ANGPT2: variants seen among roughly 807,000 people sequenced by gnomAD.
The protein encoded by ANGPT2 is angiopoietin 2, also known as angiopoietin-2.
Under a neutral mutation model 62.9 loss-of-function variants are expected in ANGPT2, and 28 were observed. The ratio of observed to expected loss-of-function variants is 0.44; its 90% confidence interval spans 0.33 to 0.61. ANGPT2 has a LOEUF of 0.61. ANGPT2 is among the 20% of genes least tolerant of loss of function. The pLI is 0.03. For missense variants in ANGPT2, 727 were observed against 594.9 expected, an observed-to-expected ratio of 1.22 and a Z score of -2.31; for synonymous variants, 284 against 207.8, an observed-to-expected ratio of 1.37 and a Z score of -3.15.
chr8:6,535,802 C>A (rs1163726046), intron 1 of ANGPT2, among the ~76,000 whole-genome samples: 1 of 151,858 alleles, frequency 6.6e-6, no homozygotes, highest in Non-Finnish European at 1.5e-5. Context: ...AATCCCAGCA[C>A]TTTGGGAGGC....
chr8:6,553,339 T>C (rs1245947396), intron 1 of ANGPT2, among the ~76,000 whole-genome samples: 1 of 152,188 alleles, frequency 6.6e-6, no homozygotes, highest in African/African-American at 2.4e-5. Flanking sequence ...CAAAATGTTA[T>C]TGTGTACTTT....
intron 1 of ANGPT2, among the ~76,000 whole-genome samples, chr8:6,547,583 C>T (rs1041801190): frequency 2.6e-5 from 4 of 152,200 alleles, no homozygotes; most frequent in Non-Finnish European, 5.9e-5. Flanking sequence ...CTTTGGACCA[C>T]CGTAGAATGG....
At chr8:6,554,372 C>CTGAA (rs1294772412) in intron 1 of ANGPT2, among the ~76,000 whole-genome samples, 5 of 151,822 alleles carry the variant, frequency 3.3e-5, no homozygotes, top group Non-Finnish European at 7.4e-5. Flanking sequence ...GTTCTCGCCC[C>CTGAA]CAAAAGCCAA....
At chr8:6,522,393 G>A (rs965664848) in intron 3 of ANGPT2, among the ~76,000 whole-genome samples, 8 of 151,734 alleles carry the variant, frequency 5.3e-5, no homozygotes, top group Non-Finnish European at 1.0e-4. Flanking sequence ...TTAGACTAGC[G>A]CCTGTCATAC....
intron 8 of ANGPT2, chr8:6,508,709 G>A: frequency 1.6e-6 from 1 of 638,954 alleles, no homozygotes; most frequent in Non-Finnish European, 2.7e-6. Context: ...GTCCTGAGGA[G>A]ACACAGTTGG....
At chr8:6,518,086 A>G (rs1004062006) in intron 5 of ANGPT2, among the ~76,000 whole-genome samples, 2 of 148,376 alleles carry the variant, frequency 1.3e-5, no homozygotes, top group Non-Finnish European at 1.5e-5. Flanking sequence ...TCTGGGGGCC[A>G]TGGGGTGGGA....
chr8:6,507,912 C>T (rs1300076487), intron 8 of ANGPT2: 4 of 152,038 alleles, frequency 2.6e-5, no homozygotes, highest in Non-Finnish European at 5.9e-5. Flanking sequence ...AAACTTTATT[C>T]CTATGTTTGA....
At chr8:6,538,162 A>G (rs1485755482) in intron 1 of ANGPT2, among the ~76,000 whole-genome samples, 2 of 151,798 alleles carry the variant, frequency 1.3e-5, no homozygotes, top group African/African-American at 2.4e-5. Flanking sequence ...CCATTTTTCT[A>G]GTAAACCCTT....
At position 6,508,962 on chromosome 8, in the gene ANGPT2, T is replaced by TAA; in HGVS notation, c.1296_1297insTT (p.Ile433LeufsTer9). 1 of 1,614,160 alleles carries TAA rather than the reference T, an allele frequency of 6.2e-7. No homozygotes were observed. Reference sequence around the variant, plus strand: ...GTTAGCATTTGTGAACATTTGCAAATACATTTGTCGTTGTCTCCATCCTTT... The same window carrying TAA: ...GTTAGCATTTGTGAACATTTGCAAATAAACATTTGTCGTTGTCTCCATCCTTT... On this transcript the variant is annotated frameshift_variant, in exon 8 of 9. Transcript: ENST00000629816. LOFTEE classifies it high-confidence loss of function.
At chr8:6,514,084 C>A (rs1436896109) in intron 6 of ANGPT2, among the ~76,000 whole-genome samples, 1 of 152,120 alleles carries the variant, frequency 6.6e-6, no homozygotes, top group African/African-American at 2.4e-5. Flanking sequence ...TGGGGAGCCA[C>A]CAGCAGAAGC....
At position 6,500,506 on chromosome 8, in the gene ANGPT2, CA is replaced by C. The variant is rs1319527405; in HGVS notation, c.*2594del. On this transcript the variant is annotated 3_prime_UTR_variant, in exon 9 of 9. Coordinates refer to ENST00000629816, the MANE Select transcript of ANGPT2 (RefSeq NM_001118887.2). ...ATTTGTTTGTCACAGTTTATTCATT[CA>C]AAAGATTAATAGCTGAAAGATAAAT... The C allele has an allele frequency of 6.5e-6, 1 of 154,168 alleles. No individual in the cohort carries two copies. The highest frequency in any genetic ancestry group is 1.4e-5 in the Non-Finnish European group (1 of 69,424). The allele number at this position is 154,168 out of a possible 1,614,324, so 9.6% of individuals were successfully genotyped here.
Position 6,499,989 on chromosome 8 carries a change from T to G in ANGPT2, c.*3112A>C. 7.0e-7 allele frequency: 1 copy of G among 1,430,596 alleles called. No homozygotes were observed. Among genetic ancestry groups the G allele is most frequent in the South Asian group, 1.1e-5 (1 of 87,250 alleles). The allele number at this position is 1,430,596 out of a possible 1,614,324, so 88.6% of individuals were successfully genotyped here. On this transcript the variant is annotated 3_prime_UTR_variant, in exon 9 of 9. Transcript: ENST00000629816. ...GTTTGCTGTTCTCAAGAAATTATTA[T>G]AAACATAAGGGTGGACTTAAGTTTT...
Position 6,499,974 on chromosome 8 carries a change from C to T in ANGPT2, c.*3127G>A, listed in dbSNP as rs1294085893. On this transcript the variant is annotated 3_prime_UTR_variant, in exon 9 of 9. Transcript: ENST00000629816. ...ACGATGGTAAATGCAGTTTGCTGTTCTCAAGAAATTATTATAAACATAAGG... is the reference window on the plus strand; with the variant it reads ...ACGATGGTAAATGCAGTTTGCTGTTTTCAAGAAATTATTATAAACATAAGG... The T allele has an allele frequency of 6.6e-7, 1 of 1,518,198 alleles. No homozygotes were observed. The highest frequency in any genetic ancestry group is 9.1e-7 in the Non-Finnish European group (1 of 1,093,270). The allele number at this position is 1,518,198 out of a possible 1,614,324, so 94.0% of individuals were successfully genotyped here.
In ANGPT2 at chr8:6,557,694, C is replaced by CACAT. The variant is rs1441010386; in HGVS notation, c.288+4952_288+4953insATGT. Among the ~76,000 whole-genome samples, 12 of 151,004 alleles carry CACAT rather than the reference C, an allele frequency of 7.9e-5. No individual in the cohort carries two copies. The East Asian group carries it at 2.3e-3, about 29-fold the overall frequency. On this transcript the variant is annotated intron_variant, in intron 1 of 8. Transcript: ENST00000629816. ...TATGATATATATGTGTGTGTACACA[C>CACAT]ACACACACACACACACACACATACA... is the stretch of plus-strand genomic sequence containing the variant.
chr8:6,552,877 A>T (rs974331902), intron 1 of ANGPT2, among the ~76,000 whole-genome samples: 3 of 151,790 alleles, frequency 2.0e-5, no homozygotes, highest in Non-Finnish European at 4.4e-5. Flanking sequence ...TGTATATTTT[A>T]TGATTCCAAC....
chr8:6,534,225 A>C (rs1478884932), intron 1 of ANGPT2, among the ~76,000 whole-genome samples: 1 of 152,194 alleles, frequency 6.6e-6, no homozygotes, highest in Non-Finnish European at 1.5e-5. Context: ...ATAACAATAC[A>C]ACAATAAAAA....
intron 8 of ANGPT2, 87 bp downstream of exon 8, chr8:6,508,845 C>T: frequency 6.4e-7 from 1 of 1,552,052 alleles, no homozygotes; most frequent in Non-Finnish European, 8.9e-7. Flanking sequence ...CGTTACAAAT[C>T]ACAATTTGTA....
chr8:6,562,703 G>T lies in ANGPT2; in HGVS notation c.232C>A (p.Gln78Lys). Residue 78 changes from glutamine to lysine, a missense_variant, in exon 1 of 9, where the codon CAG becomes AAG. By Grantham distance (53) the Gln-to-Lys change is moderately conservative (BLOSUM62 1). Coordinates refer to ENST00000629816, the MANE Select transcript of ANGPT2 (RefSeq NM_001118887.2). The part of the protein sequence containing the change: ...DAPLEYDDSV[Q>K]RLQVLENIME... ...ATGTTCTCCAGCACTTGCAGCCTCT[G>T]CACCGAGTCATCGTATTCGAGCGGC... The T allele has an allele frequency of 6.2e-7, 1 of 1,612,844 alleles. No individual in the cohort carries two copies. The highest frequency in any genetic ancestry group is 8.5e-7 in the Non-Finnish European group (1 of 1,179,132).
At chr8:6,527,762 A>T (rs1291238817) in intron 2 of ANGPT2, 86 bp from the exon 3 acceptor site, 5 of 1,233,558 alleles carry the variant, frequency 4.1e-6, no homozygotes, top group Non-Finnish European at 5.6e-6. Context: ...TACCCAAGCT[A>T]CAGGAAAACA....
Sources: gnomAD v4.1 joint callset for allele counts (sites outside exome capture counted in the v4.1 genomes callset) on GRCh38, gnomAD v4.1.1 for gene constraint, MANE v1.5 for transcripts, NCBI Gene and HGNC (gene_info 2026-07-23, HGNC 2026-07-21) for gene names.